The following NUBPL variants were observed in gnomAD, a reference collection of about 807,000 sequenced individuals.
NUBPL encodes the protein iron-sulfur cluster transfer protein NUBPL.
Under a neutral mutation model 45.7 loss-of-function variants are expected in NUBPL, and 31 were observed. The ratio of observed to expected loss-of-function variants is 0.68; its 90% CI spans 0.51 to 0.92. NUBPL has a LOEUF of 0.92. Among genes scored for constraint, NUBPL ranks in the 40% least tolerant of loss-of-function variants. The pLI, the probability that NUBPL is intolerant of heterozygous loss-of-function variation, is 0.00. For missense variants in NUBPL, 401 were observed against 398.7 expected (o/e 1.01, Z -0.05); for synonymous variants, 144 against 140.9 (o/e 1.02, Z -0.15).
intron 6 of NUBPL, among the ~76,000 whole-genome samples, chr14:31,785,725 A>G (rs767774182): frequency 2.6e-5 from 4 of 152,116 alleles, no homozygotes; most frequent in Non-Finnish European, 5.9e-5. Flanking sequence ...TTGTGATTTT[A>G]TTATGTTTAT....
At chr14:31,706,981 A>G (rs2037466811) in intron 6 of NUBPL, among the ~76,000 whole-genome samples, 1 of 152,172 alleles carries the variant, frequency 6.6e-6, no homozygotes, top group Admixed American at 6.5e-5. Context: ...AACAGCTCAC[A>G]CGTTTGAGGA....
At chr14:31,607,627 G>A (rs1472213131) in intron 4 of NUBPL, among the ~76,000 whole-genome samples, 1 of 151,920 alleles carries the variant, frequency 6.6e-6, no homozygotes, top group African/African-American at 2.4e-5. Flanking sequence ...TAATAGAATT[G>A]ATCAAGCAGA....
chr14:31,743,892 T>A (rs1213837926), intron 6 of NUBPL, among the ~76,000 whole-genome samples: 1 of 152,192 alleles, frequency 6.6e-6, no homozygotes, highest in African/African-American at 2.4e-5. Flanking sequence ...TCTTAGCAGT[T>A]AACAAATGAA....
intron 6 of NUBPL, among the ~76,000 whole-genome samples, chr14:31,783,842 A>G (rs1281408633): frequency 6.6e-6 from 1 of 152,190 alleles, no homozygotes; most frequent in Non-Finnish European, 1.5e-5. Flanking sequence ...TTAAAGAAAT[A>G]AGAAATTGAA....
chr14:31,820,826 A>G (rs2040006268), intron 7 of NUBPL, among the ~76,000 whole-genome samples: 1 of 147,108 alleles, frequency 6.8e-6, no homozygotes, highest in South Asian at 2.1e-4. Flanking sequence ...CTCCGTCTCA[A>G]AAAAAAAAAA....
chr14:31,592,941 T>C (rs1196772188), intron 3 of NUBPL, among the ~76,000 whole-genome samples: 1 of 152,210 alleles, frequency 6.6e-6, no homozygotes, highest in African/African-American at 2.4e-5. Flanking sequence ...ATTTACATTC[T>C]AGTAGAGGAG....
chr14:31,672,023 G>A (rs1386976737), intron 4 of NUBPL, among the ~76,000 whole-genome samples: 1 of 152,190 alleles, frequency 6.6e-6, no homozygotes, highest in Non-Finnish European at 1.5e-5. Flanking sequence ...AAGCAAGAGT[G>A]AGTGGGAAGG....
intron 6 of NUBPL, among the ~76,000 whole-genome samples, chr14:31,702,925 C>T (rs542860677): frequency 9.8e-5 from 15 of 152,314 alleles, no homozygotes; most frequent in South Asian, 4.1e-4. Flanking sequence ...CAATTTTGTA[C>T]TACATAAATT....
intron 3 of NUBPL, among the ~76,000 whole-genome samples, chr14:31,583,044 G>C (rs2033905036): frequency 1.3e-5 from 2 of 152,098 alleles, no homozygotes; most frequent in African/African-American, 4.8e-5. Context: ...CCTTGAGTTA[G>C]GGCACTGACA....
chr14:31,651,678 C>T (rs1400368092), intron 4 of NUBPL, among the ~76,000 whole-genome samples: 1 of 152,058 alleles, frequency 6.6e-6, no homozygotes, highest in Non-Finnish European at 1.5e-5. Context: ...GCAGGTGGAT[C>T]ACAAGGTCAG....
intron 6 of NUBPL, among the ~76,000 whole-genome samples, chr14:31,752,591 C>T (rs2038556105): frequency 6.6e-6 from 1 of 152,194 alleles, no homozygotes; most frequent in Admixed American, 6.5e-5. Flanking sequence ...TTGGTCAAAA[C>T]CATTCAACAA....
At chr14:31,742,094 A>T (rs774207978) in intron 6 of NUBPL, among the ~76,000 whole-genome samples, 12 of 152,154 alleles carry the variant, frequency 7.9e-5, no homozygotes, top group Non-Finnish European at 1.0e-4. Flanking sequence ...GGAGATAGGA[A>T]ACCCATATTA....
At chr14:31,634,675 C>T (rs1460456226) in intron 4 of NUBPL, among the ~76,000 whole-genome samples, 1 of 152,188 alleles carries the variant, frequency 6.6e-6, no homozygotes, top group African/African-American at 2.4e-5. Flanking sequence ...CTGACTTCCA[C>T]AATGGTTGAA....
chr14:31,792,634 G>A (rs1484625827), intron 7 of NUBPL, among the ~76,000 whole-genome samples: 1 of 151,862 alleles, frequency 6.6e-6, no homozygotes, highest in Non-Finnish European at 1.5e-5. Flanking sequence ...CACTGAAGTT[G>A]TATTAATTTG....
intron 8 of NUBPL, among the ~76,000 whole-genome samples, chr14:31,837,638 G>A (rs570107736): frequency 1.3e-5 from 2 of 152,036 alleles, no homozygotes; most frequent in Non-Finnish European, 2.9e-5. Context: ...AAATTATTGA[G>A]GATCAACCAA....
At chr14:31,735,245 AT>A (rs57015994) in intron 6 of NUBPL, among the ~76,000 whole-genome samples, 9,939 of 152,184 alleles carry the variant, frequency 0.065, 417 homozygotes, top group Non-Finnish European at 0.091. Flanking sequence ...TTTCTATGTA[AT>A]TTGTATATAT....
intron 6 of NUBPL, among the ~76,000 whole-genome samples, chr14:31,759,166 A>G (rs562025439): frequency 6.6e-6 from 1 of 152,148 alleles, no homozygotes; most frequent in Admixed American, 6.5e-5. Flanking sequence ...GACAGTTTTT[A>G]TTCTGAGAAG....
At chr14:31,624,939 T>A (rs1331292090) in intron 4 of NUBPL, among the ~76,000 whole-genome samples, 1 of 152,178 alleles carries the variant, frequency 6.6e-6, no homozygotes, top group Non-Finnish European at 1.5e-5. Context: ...GAGATGCTGC[T>A]AATATCCTCC....
intron 6 of NUBPL, among the ~76,000 whole-genome samples, chr14:31,719,212 G>T (rs2037754754): frequency 6.6e-6 from 1 of 152,162 alleles, no homozygotes; most frequent in African/African-American, 2.4e-5. Context: ...GCCAGAGAGT[G>T]TCATACTGCC....
Sources: gnomAD v4.1 joint callset for allele counts (sites outside exome capture counted in the v4.1 genomes callset) on GRCh38, gnomAD v4.1.1 for gene constraint, MANE v1.5 for transcripts, NCBI Gene and HGNC (gene_info 2026-07-23, HGNC 2026-07-21) for gene names.